EDIL3: variants seen among roughly 807,000 people sequenced by gnomAD.
EDIL3 encodes EGF-like repeat and discoidin I-like domain-containing protein 3.
EDIL3 carries 37 observed loss-of-function variants against 67.4 expected under a neutral mutation model. The ratio of observed to expected loss-of-function variants is 0.55; its 90% CI spans 0.42 to 0.72. EDIL3 has a LOEUF of 0.72. Among genes scored for constraint, EDIL3 ranks in the 30% least tolerant of loss-of-function variants. The probability of loss-of-function intolerance (pLI) is 0.00; values close to 1 mark genes in which losing one functional copy is unlikely to be tolerated. For synonymous variants in EDIL3, 195 were observed against 196.3 expected (o/e 0.99, Z 0.05); for missense variants, 527 against 586.3 (o/e 0.90, Z 1.04).
At chr5:83,975,934 T>C (rs565905494) in intron 9 of EDIL3, among the ~76,000 whole-genome samples, 1 of 152,038 alleles carries the variant, frequency 6.6e-6, no homozygotes, top group African/African-American at 2.4e-5. Context: ...GAGGTTATTT[T>C]GACATGCCTT....
At chr5:84,253,940 C>T (rs568261858) in intron 2 of EDIL3, 144 bp downstream of exon 2, 1 of 705,542 alleles carries the variant, frequency 1.4e-6, no homozygotes, top group African/African-American at 1.8e-5. Flanking sequence ...GGAAATGATA[C>T]AACTGAGAAT....
intron 9 of EDIL3, among the ~76,000 whole-genome samples, chr5:84,008,542 G>A (rs181374423): frequency 1.8e-3 from 268 of 152,174 alleles, no homozygotes; most frequent in African/African-American, 6.2e-3. Flanking sequence ...TCCTTTGATG[G>A]GCAGAGGAAA....
chr5:84,370,716 C>G (rs184502770), intron 1 of EDIL3, among the ~76,000 whole-genome samples: 5 of 152,222 alleles, frequency 3.3e-5, no homozygotes, highest in Admixed American at 3.3e-4. Context: ...AACAGTAGGT[C>G]ACTTAATCTA....
At chr5:84,221,029 AGTT>A (rs1483447046) in intron 3 of EDIL3, among the ~76,000 whole-genome samples, 10 of 152,170 alleles carry the variant, frequency 6.6e-5, no homozygotes, top group African/African-American at 2.2e-4. Flanking sequence ...ACTCTGTGTG[AGTT>A]GTTATTTAAT....
chr5:84,355,128 C>T (rs964620315), intron 1 of EDIL3, among the ~76,000 whole-genome samples: 4 of 152,242 alleles, frequency 2.6e-5, no homozygotes, highest in African/African-American at 9.6e-5. Context: ...ACCAATCAAA[C>T]GTAAGTTTGG....
At chr5:83,972,620 T>C (rs1345405717) in intron 9 of EDIL3, among the ~76,000 whole-genome samples, 1 of 152,074 alleles carries the variant, frequency 6.6e-6, no homozygotes, top group African/African-American at 2.4e-5. Context: ...AATATAGTTG[T>C]CAGCAGTGTT....
intron 4 of EDIL3, among the ~76,000 whole-genome samples, chr5:84,139,865 T>C (rs1254000511): frequency 2.0e-5 from 3 of 152,160 alleles, no homozygotes; most frequent in Admixed American, 1.3e-4. Flanking sequence ...GGAGCCAGAA[T>C]GAATCACAAC....
At chr5:84,291,250 C>T (rs566110551) in intron 1 of EDIL3, among the ~76,000 whole-genome samples, 26 of 151,974 alleles carry the variant, frequency 1.7e-4, no homozygotes, top group Non-Finnish European at 2.6e-4. Context: ...TTTTCATGAT[C>T]GGCACGAGAA....
At position 84,262,659 on chromosome 5, in the gene EDIL3, GTTTTTTTTTTTTT is replaced by G. The variant is rs773035274; in HGVS notation, c.68-8460_68-8448del. 1.9e-4 allele frequency among the ~76,000 whole-genome samples: 9 copies of G among 46,310 alleles called. No homozygotes were observed. The East Asian group carries it at 2.6e-3, about 13-fold the overall frequency. The allele number at this position is 46,310 out of a possible 152,430, so 30.4% of individuals were successfully genotyped here. On this transcript the variant is annotated intron_variant, in intron 1 of 10. Coordinates refer to ENST00000296591, the MANE Select transcript of EDIL3 (RefSeq NM_005711.5). ...AAACTACAATTCCCAAGGTTGGTTG[GTTTTTTTTTTTTT>G]TTTTTTTTTTTTTTTTTGAGATGAA... is the stretch of plus-strand genomic sequence containing the variant.
At chr5:84,106,249 A>G (rs1392064495) in intron 6 of EDIL3, among the ~76,000 whole-genome samples, 4 of 152,092 alleles carry the variant, frequency 2.6e-5, no homozygotes, top group Admixed American at 6.6e-5. Context: ...GATGCATGGT[A>G]TATTTTATAC....
intron 1 of EDIL3, among the ~76,000 whole-genome samples, chr5:84,358,419 C>G (rs1003589562): frequency 6.6e-6 from 1 of 151,750 alleles, no homozygotes; most frequent in Non-Finnish European, 1.5e-5. Context: ...TATTGTGCCA[C>G]GATATATTGA....
chr5:84,202,601 G>A (rs1254384170), intron 3 of EDIL3, among the ~76,000 whole-genome samples: 5 of 152,150 alleles, frequency 3.3e-5, no homozygotes, highest in Middle Eastern at 3.2e-3. Context: ...TGGCTTGGAT[G>A]TTTTATACCT....
At chr5:84,281,194 T>C (rs1039502437) in intron 1 of EDIL3, among the ~76,000 whole-genome samples, 3 of 152,210 alleles carry the variant, frequency 2.0e-5, no homozygotes, top group Admixed American at 6.5e-5. Flanking sequence ...CATTCAATTC[T>C]ATTTCTTACC....
At chr5:84,246,608 AC>A (rs1744913618) in intron 2 of EDIL3, among the ~76,000 whole-genome samples, 1 of 152,250 alleles carries the variant, frequency 6.6e-6, no homozygotes, top group African/African-American at 2.4e-5. Context: ...TAAATGACAT[AC>A]ATCAATTTCT....
At chr5:84,051,804 C>G (rs1266810837) in intron 9 of EDIL3, among the ~76,000 whole-genome samples, 1 of 152,094 alleles carries the variant, frequency 6.6e-6, no homozygotes, top group Non-Finnish European at 1.5e-5. Context: ...AAATATGGGA[C>G]TATGTGAAAA....
chr5:84,075,121 T>C (rs1746826251), intron 6 of EDIL3, among the ~76,000 whole-genome samples: 1 of 151,916 alleles, frequency 6.6e-6, no homozygotes, highest in Non-Finnish European at 1.5e-5. Flanking sequence ...ACACCGCATG[T>C]TCTCACTCAT....
chr5:84,291,684 A>C (rs1007718320), intron 1 of EDIL3, among the ~76,000 whole-genome samples: 2 of 147,144 alleles, frequency 1.4e-5, no homozygotes, highest in Non-Finnish European at 1.5e-5. Context: ...ATCTATATAG[A>C]TATATCTATA....
intron 6 of EDIL3, among the ~76,000 whole-genome samples, chr5:84,102,645 C>G (rs1412779337): frequency 6.6e-6 from 1 of 151,176 alleles, no homozygotes; most frequent in African/African-American, 2.4e-5. Context: ...ACGAAAAAAC[C>G]CTCCTAGGAA....
At chr5:84,362,174 T>A (rs888874741) in intron 1 of EDIL3, among the ~76,000 whole-genome samples, 1 of 152,256 alleles carries the variant, frequency 6.6e-6, no homozygotes, top group East Asian at 1.9e-4. Context: ...ATTTAAAAGA[T>A]GTAACAGCAT....
Sources: gnomAD v4.1 joint callset for allele counts (sites outside exome capture counted in the v4.1 genomes callset) on GRCh38, gnomAD v4.1.1 for gene constraint, MANE v1.5 for transcripts, NCBI Gene and HGNC (gene_info 2026-07-23, HGNC 2026-07-21) for gene names.